LARS2: variants seen among roughly 807,000 people sequenced by gnomAD.
The protein encoded by LARS2 is leucine--tRNA ligase, mitochondrial.
In LARS2, 81 loss-of-function variants were observed where a neutral mutation model predicts 116.6. That is an observed-to-expected ratio of 0.69 (90% CI 0.58 to 0.84). LARS2 has a LOEUF of 0.84. Ranked by LOEUF, LARS2 falls within the 40% of genes least tolerant of loss-of-function variation. The pLI is 0.00. For synonymous variants in LARS2, 396 were observed against 407.2 expected (o/e 0.97, Z 0.33); for missense variants, 968 against 1,114.5 (o/e 0.87, Z 1.87).
At chr3:45,514,602 C>T (rs1422942799) in intron 16 of LARS2, among the ~76,000 whole-genome samples, 1 of 152,198 alleles carries the variant, frequency 6.6e-6, no homozygotes, top group Non-Finnish European at 1.5e-5. Flanking sequence ...CCATGTATAG[C>T]TGTGCAGTTT....
chr3:45,478,317 T>C (rs1030654119), intron 10 of LARS2, among the ~76,000 whole-genome samples: 3 of 152,210 alleles, frequency 2.0e-5, no homozygotes, highest in African/African-American at 4.8e-5. Context: ...ATATCTAAAA[T>C]TGAAAAACTA....
chr3:45,407,899 C>G (rs1698259035), intron 4 of LARS2, among the ~76,000 whole-genome samples: 1 of 152,206 alleles, frequency 6.6e-6, no homozygotes, highest in Non-Finnish European at 1.5e-5. Context: ...TCTACTCAGT[C>G]TTACTTCTTG....
Position 45,390,165 on chromosome 3 carries a change from A to G in LARS2, c.-87-1418A>G, listed in dbSNP as rs137891799. Among the ~76,000 whole-genome samples, 4 of 152,274 alleles carry G rather than the reference A, an allele frequency of 2.6e-5. No homozygotes were observed. The East Asian group carries it at 7.7e-4, about 29-fold the overall frequency. The stretch of plus-strand genomic sequence containing the variant: ...AATGCATATTTCTTTTCATTTGCCA[A>G]TCTGGAAACTAAACTTTCATTGTTT... On this transcript the variant is annotated intron_variant, in intron 1 of 21. Transcript: ENST00000645846.
At chr3:45,429,043 C>G (rs1482140772) in intron 6 of LARS2, among the ~76,000 whole-genome samples, 10 of 151,958 alleles carry the variant, frequency 6.6e-5, no homozygotes, top group Non-Finnish European at 2.9e-5. Flanking sequence ...TATTTATAAT[C>G]CAGTTTATAT....
intron 21 of LARS2, among the ~76,000 whole-genome samples, chr3:45,543,493 A>T (rs1462711812): frequency 6.8e-6 from 1 of 147,200 alleles, no homozygotes; most frequent in East Asian, 2.0e-4. Flanking sequence ...GGTGAGACAG[A>T]GTCTCTCTCA....
intron 8 of LARS2, among the ~76,000 whole-genome samples, chr3:45,462,092 C>T (rs754501475): frequency 3.9e-5 from 6 of 152,136 alleles, no homozygotes; most frequent in South Asian, 2.1e-4. Flanking sequence ...GTAATGCTTT[C>T]GGCTGCAAGC....
chr3:45,408,758 T>C (rs919514624), intron 4 of LARS2, among the ~76,000 whole-genome samples: 20 of 152,234 alleles, frequency 1.3e-4, no homozygotes, highest in Admixed American at 6.5e-5. Flanking sequence ...ATTGTGGTAA[T>C]GTCCTGCCCT....
rs3085466 is a variant in LARS2 at position 45,533,141 on chromosome 3, C to CTTTTTTTTTTT, written c.2405-8671_2405-8661dup. 6.7e-4 allele frequency among the ~76,000 whole-genome samples: 34 copies of CTTTTTTTTTTT among 51,018 alleles called. 11 individuals are homozygous for CTTTTTTTTTTT. Among genetic ancestry groups the CTTTTTTTTTTT allele is most frequent in the Middle Eastern group, 0.019 (1 of 54 alleles). 33.5% of individuals were successfully genotyped at this position (51,018 alleles called of 152,430 possible). A position where few individuals can be genotyped will look rare whatever the true frequency, so the allele number is the denominator to read the frequency against. ...TTTAGCTTTGGTGGTCACATTAAGT[C>CTTTTTTTTTTT]TTTTTTTTTTTTTTTTTTTTTTTTT... On this transcript the variant is annotated intron_variant, in intron 20 of 21. Coordinates refer to ENST00000645846, the MANE Select transcript of LARS2 (RefSeq NM_015340.4).
chr3:45,419,995 T>C (rs1027146603), intron 6 of LARS2, among the ~76,000 whole-genome samples: 29 of 152,232 alleles, frequency 1.9e-4, no homozygotes, highest in African/African-American at 7.0e-4. Context: ...TGCACAAGGA[T>C]TTCTCTAGTT....
At chr3:45,413,942 C>T (rs1028736713) in intron 4 of LARS2, among the ~76,000 whole-genome samples, 1 of 152,140 alleles carries the variant, frequency 6.6e-6, no homozygotes, top group African/African-American at 2.4e-5. Flanking sequence ...TTGTGCTGGA[C>T]ATAAAGATGG....
chr3:45,533,141 CTTTTTTT>C (rs3085466), intron 20 of LARS2, among the ~76,000 whole-genome samples: 6 of 51,000 alleles, frequency 1.2e-4, no homozygotes, highest in Non-Finnish European at 2.1e-4. Flanking sequence ...CACATTAAGT[CTTTTTTT>C]TTTTTTTTTT....
At chr3:45,410,174 C>T (rs950918232) in intron 4 of LARS2, among the ~76,000 whole-genome samples, 9 of 152,140 alleles carry the variant, frequency 5.9e-5, no homozygotes, top group South Asian at 2.1e-4. Flanking sequence ...GGAACAGTTA[C>T]GCAACAGTTA....
At chr3:45,472,883 A>G (rs1207756665) in intron 8 of LARS2, among the ~76,000 whole-genome samples, 1 of 152,230 alleles carries the variant, frequency 6.6e-6, no homozygotes, top group Non-Finnish European at 1.5e-5. Flanking sequence ...ATGAGGCAAC[A>G]TACATAAAAG....
At chr3:45,465,038 C>T (rs1451878577) in intron 8 of LARS2, among the ~76,000 whole-genome samples, 1 of 151,960 alleles carries the variant, frequency 6.6e-6, no homozygotes, top group Non-Finnish European at 1.5e-5. Flanking sequence ...GAGCCCATGC[C>T]GGCTCTGGAC....
chr3:45,491,452 G>T, intron 12 of LARS2, 65 bp from the exon 13 acceptor site: 2 of 1,518,812 alleles, frequency 1.3e-6, no homozygotes, highest in Non-Finnish European at 9.0e-7. Flanking sequence ...AGGACTGGTG[G>T]CAGCATCAGG....
In LARS2 at chr3:45,394,755, C is replaced by G. The variant is rs1054055592; in HGVS notation, c.234+68C>G. 5.3e-5 allele frequency: 54 copies of G among 1,027,878 alleles called. 1 individual carries two copies. In the Middle Eastern group the frequency reaches 6.3e-4, roughly 12 times the overall value. 63.7% of individuals were successfully genotyped at this position (1,027,878 alleles called of 1,614,324 possible). ...TGAAGGTTTGGACCCTGGGGTTAGACTACCTGGTTCAAATAAGATATTAAA... is the reference window on the plus strand; with the variant it reads ...TGAAGGTTTGGACCCTGGGGTTAGAGTACCTGGTTCAAATAAGATATTAAA... On this transcript the variant is annotated intron_variant, in intron 3 of 21. Transcript: ENST00000645846.
chr3:45,521,375 G>A (rs1417115584), intron 19 of LARS2, among the ~76,000 whole-genome samples: 1 of 152,182 alleles, frequency 6.6e-6, no homozygotes, highest in African/African-American at 2.4e-5. Context: ...AGCTACTCGG[G>A]AAGCTGAGGC....
chr3:45,545,170 A>G (rs1358168085), intron 21 of LARS2, among the ~76,000 whole-genome samples: 3 of 152,242 alleles, frequency 2.0e-5, no homozygotes, highest in South Asian at 2.1e-4. Context: ...TCACAGGTTC[A>G]TACAAGTGAA....
intron 20 of LARS2, among the ~76,000 whole-genome samples, chr3:45,530,461 A>G (rs1486750268): frequency 2.6e-5 from 4 of 152,190 alleles, no homozygotes; most frequent in Non-Finnish European, 5.9e-5. Context: ...TAGAGGTAGC[A>G]GTGAGCCAAG....
Sources: allele counts gnomAD v4.1 joint callset (sites outside exome capture counted in the v4.1 genomes callset), GRCh38; gene constraint gnomAD v4.1.1; transcripts MANE v1.5; gene names NCBI Gene and HGNC (gene_info 2026-07-23, HGNC 2026-07-21).